Variants in GLDC observed in about 807,000 individuals in gnomAD.
The protein encoded by GLDC is glycine dehydrogenase (decarboxylating), mitochondrial.
Under a neutral mutation model 121.3 loss-of-function variants are expected in GLDC, and 104 were observed. The observed-to-expected ratio is 0.86, with a 90% confidence interval of 0.73 to 1.01. The LOEUF (loss-of-function observed/expected upper bound fraction) is 1.01. GLDC is among the 50% of genes least tolerant of loss of function. The probability of loss-of-function intolerance (pLI) is 0.00; values close to 1 mark genes in which losing one functional copy is unlikely to be tolerated. For missense variants in GLDC, 1,429 were observed against 1,306.6 expected, an observed-to-expected ratio of 1.09 and a Z score of -1.44; for synonymous variants, 546 against 480.6, an observed-to-expected ratio of 1.14 and a Z score of -1.78.
At chr9:6,609,347 G>A (rs928524280) in intron 4 of GLDC, among the ~76,000 whole-genome samples, 5 of 152,252 alleles carry the variant, frequency 3.3e-5, no homozygotes, top group Non-Finnish European at 5.9e-5. Flanking sequence ...TGTAATAGAC[G>A]AGAGATTAAA....
intron 15 of GLDC, among the ~76,000 whole-genome samples, chr9:6,584,799 G>C (rs1461384038): frequency 6.6e-6 from 1 of 152,212 alleles, no homozygotes; most frequent in Non-Finnish European, 1.5e-5. Context: ...GTATAGCTGG[G>C]AATCTCAGGA....
At chr9:6,611,887 G>A (rs1353571999) in intron 3 of GLDC, among the ~76,000 whole-genome samples, 1 of 152,070 alleles carries the variant, frequency 6.6e-6, no homozygotes, top group African/African-American at 2.4e-5. Flanking sequence ...TAAAATGAAA[G>A]TTTTTTATTA....
intron 3 of GLDC, among the ~76,000 whole-genome samples, chr9:6,613,022 C>G (rs891093378): frequency 6.6e-6 from 1 of 152,046 alleles, no homozygotes; most frequent in African/African-American, 2.4e-5. Flanking sequence ...TTTGTAAAAA[C>G]AAGTAGATGA....
At chr9:6,570,385 A>G (rs1817936620) in intron 15 of GLDC, among the ~76,000 whole-genome samples, 2 of 152,232 alleles carry the variant, frequency 1.3e-5, no homozygotes, top group Admixed American at 1.3e-4. Flanking sequence ...TAGATTGACC[A>G]TATCTATTTT....
In GLDC at chr9:6,540,136, A is replaced by G. The variant is rs1306655223; in HGVS notation, c.2580T>C (p.Gly860=). 6.2e-7 allele frequency: 1 copy of G among 1,607,440 alleles called. No homozygotes were observed. Among genetic ancestry groups the G allele is most frequent in the Admixed American group, 1.7e-5 (1 of 60,002 alleles). The change falls in exon 22 of 25, where the codon GGT becomes GGC. Residue 860 remains glycine, a synonymous_variant. Transcript: ENST00000321612. ...ILFRGARGYV[G]HEFILDTRPF... ...GTCTCGTGTCCAAAATAAATTCATG[A>G]CCCACATAACCTGTTCAGGAAAGTT...
intron 15 of GLDC, among the ~76,000 whole-genome samples, chr9:6,585,779 T>C (rs1818257275): frequency 6.6e-6 from 1 of 152,142 alleles, no homozygotes; most frequent in African/African-American, 2.4e-5. Flanking sequence ...AAAGATATTC[T>C]AAAATGTAAA....
In GLDC at chr9:6,560,396, G is replaced by C. The variant is rs1050243568; in HGVS notation, c.1927-1712C>G. Among the ~76,000 whole-genome samples the C allele has an allele frequency of 5.9e-5, 9 of 152,214 alleles. 1 individual carries two copies. The highest frequency in any genetic ancestry group is 2.2e-4 in the African/African-American group (9 of 41,448). ...ATGAACTACTTTGCACTCTTCTACT[G>C]TCAGAAGGTTTGTGTCCCTTTAGAA... On this transcript the variant is annotated intron_variant, in intron 16 of 24. Coordinates refer to ENST00000321612, the MANE Select transcript of GLDC (RefSeq NM_000170.3).
intron 2 of GLDC, among the ~76,000 whole-genome samples, chr9:6,630,786 T>C (rs963947976): frequency 6.6e-6 from 1 of 152,050 alleles, no homozygotes; most frequent in Non-Finnish European, 1.5e-5. Flanking sequence ...GAAGTCAGAA[T>C]TTGGAAGCAG....
chr9:6,621,113 T>G (rs1038188714), intron 2 of GLDC, among the ~76,000 whole-genome samples: 12 of 152,152 alleles, frequency 7.9e-5, no homozygotes, highest in African/African-American at 2.7e-4. Context: ...GAGATTGTAG[T>G]GAGCTAAGAT....
chr9:6,634,444 G>A (rs1309272105), intron 2 of GLDC, among the ~76,000 whole-genome samples: 2 of 151,906 alleles, frequency 1.3e-5, no homozygotes, highest in African/African-American at 2.4e-5. Context: ...AGGGAGGATC[G>A]CTTGAGCCTG....
intron 4 of GLDC, 150 bp downstream of exon 4, chr9:6,610,042 T>C (rs1402380533): frequency 1.5e-6 from 1 of 665,250 alleles, no homozygotes; most frequent in East Asian, 2.8e-5. Context: ...AACCTCTAGG[T>C]TTTTGAACCT....
At chr9:6,639,009 A>AG in intron 2 of GLDC, 2 of 431,506 alleles carry the variant, frequency 4.6e-6, no homozygotes, top group South Asian at 2.1e-5. Flanking sequence ...ACTCTGTCTC[A>AG]GAAAAAAAAA....
intron 2 of GLDC, among the ~76,000 whole-genome samples, chr9:6,622,069 G>T (rs971219493): frequency 6.6e-6 from 1 of 151,748 alleles, no homozygotes; most frequent in African/African-American, 2.4e-5. Flanking sequence ...ACTTAACATT[G>T]TTTTAACCCT....
chr9:6,578,012 T>G (rs1430423178), intron 15 of GLDC, among the ~76,000 whole-genome samples: 2 of 152,016 alleles, frequency 1.3e-5, no homozygotes, highest in Non-Finnish European at 2.9e-5. Flanking sequence ...CCTCCTGGGC[T>G]CAAGCAATCC....
At chr9:6,537,543 G>A (rs1242521857) in intron 22 of GLDC, among the ~76,000 whole-genome samples, 1 of 152,228 alleles carries the variant, frequency 6.6e-6, no homozygotes, top group East Asian at 1.9e-4. Flanking sequence ...CACTTTGGGA[G>A]GCCAAGGCCA....
intron 21 of GLDC, among the ~76,000 whole-genome samples, chr9:6,545,554 T>C (rs545522822): frequency 6.6e-6 from 1 of 152,348 alleles, no homozygotes; most frequent in South Asian, 2.1e-4. Flanking sequence ...TATACTACCA[T>C]AGACTTTGTG....
Position 6,556,184 on chromosome 9 carries a change from A to C in GLDC, c.2171T>G (p.Val724Gly). 3.7e-6 allele frequency: 6 copies of C among 1,613,288 alleles called. No homozygotes were observed. The highest frequency in any genetic ancestry group is 5.1e-6 in the Non-Finnish European group (6 of 1,179,562). The part of the protein sequence containing the change: ...CDLIHQHGGQ[V>G]YLDGANMNAQ... The stretch of plus-strand genomic sequence containing the variant: ...ATTCATATTTGCCCCGTCTAGGTAG[A>C]CCTGTCCTCCATGTTGATGGATGAG... Residue 724 changes from valine to glycine, a missense_variant, in exon 18 of 25, where the codon GTC becomes GGC. Physicochemically the swap from Val to Gly is moderately radical, Grantham distance 109. Transcript: ENST00000321612.
chr9:6,558,410 G>C, intron 17 of GLDC, 149 bp downstream of exon 17: 1 of 867,638 alleles, frequency 1.2e-6, no homozygotes, highest in Non-Finnish European at 1.9e-6. Flanking sequence ...TTGGTGATGG[G>C]AGGGGTAGAG....
intron 10 of GLDC, 87 bp downstream of exon 10, chr9:6,592,764 A>G (rs562053170): frequency 7.4e-7 from 1 of 1,342,322 alleles, no homozygotes; most frequent in Non-Finnish European, 1.1e-6. Context: ...TTTCCTTTTT[A>G]TTTTTTAAAA....
Sources: allele counts gnomAD v4.1 joint callset (sites outside exome capture counted in the v4.1 genomes callset), GRCh38; gene constraint gnomAD v4.1.1; transcripts MANE v1.5; gene names NCBI Gene and HGNC (gene_info 2026-07-23, HGNC 2026-07-21).